ECM2: variants seen among roughly 807,000 people sequenced by gnomAD.
ECM2 encodes the protein extracellular matrix protein 2, also known as extracellular matrix protein 2, female organ and adipocyte specific.
ECM2 carries 57 observed loss-of-function variants against 67.5 expected under a neutral mutation model. That is an observed-to-expected ratio of 0.84 (90% confidence interval 0.68 to 1.05). ECM2 has a LOEUF of 1.05. ECM2 is among the 50% of genes least tolerant of loss of function. ECM2 has a pLI of 0.00. For missense variants in ECM2, 741 were observed against 822.8 expected, an observed-to-expected ratio of 0.90 and a Z score of 1.22; for synonymous variants, 258 against 294.5, an observed-to-expected ratio of 0.88 and a Z score of 1.27.
intron 1 of ECM2, among the ~76,000 whole-genome samples, chr9:92,529,284 A>G (rs922092794): frequency 1.3e-5 from 2 of 152,200 alleles, no homozygotes; most frequent in African/African-American, 4.8e-5. Context: ...CAAATGTCTA[A>G]AACCCAAAAC....
upstream of ECM2, among the ~76,000 whole-genome samples, chr9:92,536,299 A>G (rs958470652): frequency 6.6e-6 from 1 of 152,200 alleles, no homozygotes; most frequent in Non-Finnish European, 1.5e-5. Context: ...TGTGGTTTTC[A>G]TAGACTATTC....
At chr9:92,518,803 C>T (rs1270195320) in intron 2 of ECM2, among the ~76,000 whole-genome samples, 4 of 152,126 alleles carry the variant, frequency 2.6e-5, no homozygotes, top group African/African-American at 7.2e-5. Flanking sequence ...GCATAAGAAT[C>T]GCTTGAACCC....
chr9:92,532,015 G>GTTTTGTTTTTT (rs1848797660), intron 1 of ECM2, among the ~76,000 whole-genome samples: 1 of 95,736 alleles, frequency 1.0e-5, no homozygotes, highest in Non-Finnish European at 1.9e-5. Flanking sequence ...TTTATTTAAT[G>GTTTTGTTTTTT]TTTTTTTTTT....
chr9:92,550,668 T>A, the ECM2 span, among the ~76,000 whole-genome samples: 1 of 151,950 alleles, frequency 6.6e-6, no homozygotes, highest in Non-Finnish European at 1.5e-5. Context: ...GAGGCAAGAG[T>A]ACAAATGAAG....
chr9:92,503,801 G>A (rs1350223879), intron 7 of ECM2, among the ~76,000 whole-genome samples: 2 of 152,210 alleles, frequency 1.3e-5, no homozygotes, highest in Admixed American at 6.5e-5. Flanking sequence ...TTTAGGAGGT[G>A]AGCTAGATCA....
Position 92,522,540 on chromosome 9 carries a change from C to T in ECM2, c.292+35G>A, listed in dbSNP as rs377269756. 201 of 1,532,234 alleles carry T rather than the reference C, an allele frequency of 1.3e-4. 1 individual carries two copies. The Middle Eastern group carries it at 4.9e-3, about 37-fold the overall frequency. 94.9% of individuals were successfully genotyped at this position (1,532,234 alleles called of 1,614,324 possible). On this transcript the variant is annotated intron_variant, in intron 2 of 9. Coordinates refer to ENST00000344604, the MANE Select transcript of ECM2 (RefSeq NM_001393.4). The stretch of plus-strand genomic sequence containing the variant: ...CCCCATACCATCTCTCACCCTCCTC[C>T]CTCTTTCTGTCTCTCTCTCATAGTG...
intron 8 of ECM2, among the ~76,000 whole-genome samples, chr9:92,502,307 C>G (rs1438784485): frequency 4.6e-5 from 7 of 152,156 alleles, no homozygotes; most frequent in African/African-American, 9.7e-5. Context: ...AATCCTAACA[C>G]CAGTCATGCA....
At chr9:92,514,392 G>A (rs1299945086) in intron 4 of ECM2, among the ~76,000 whole-genome samples, 3 of 150,594 alleles carry the variant, frequency 2.0e-5, no homozygotes, top group Non-Finnish European at 3.0e-5. Context: ...CTCCTGCCTC[G>A]GCCTTCTGAG....
At chr9:92,546,814 G>C in the ECM2 span, among the ~76,000 whole-genome samples, 2,054 of 152,188 alleles carry the variant, frequency 0.013, 17 homozygotes, top group South Asian at 0.021. Flanking sequence ...CAATAAAATT[G>C]TCACAAGAAG....
chr9:92,556,872 G>A, the ECM2 span, among the ~76,000 whole-genome samples: 1 of 151,924 alleles, frequency 6.6e-6, no homozygotes, highest in Non-Finnish European at 1.5e-5. Context: ...TACTTTGTGG[G>A]TTTTTTTGTT....
At chr9:92,552,487 C>T in the ECM2 span, among the ~76,000 whole-genome samples, 39,491 of 151,886 alleles carry the variant, frequency 0.26, 7,474 homozygotes, top group African/African-American at 0.53. Flanking sequence ...CCCTGTTCAC[C>T]GCATCCATGC....
At chr9:92,548,518 A>G in the ECM2 span, among the ~76,000 whole-genome samples, 1 of 152,356 alleles carries the variant, frequency 6.6e-6, no homozygotes, top group African/African-American at 2.4e-5. Context: ...AATGTAGTAC[A>G]TCAACTATCA....
the ECM2 span, among the ~76,000 whole-genome samples, chr9:92,545,655 C>T: frequency 6.6e-6 from 1 of 152,220 alleles, no homozygotes; most frequent in Non-Finnish European, 1.5e-5. Flanking sequence ...GACTGGCAGC[C>T]AGCTCCACCT....
chr9:92,513,852 A>G (rs1007733772), intron 4 of ECM2, among the ~76,000 whole-genome samples: 13 of 152,160 alleles, frequency 8.5e-5, no homozygotes, highest in African/African-American at 3.1e-4. Context: ...TTACATGACT[A>G]TGTGCATTTG....
At chr9:92,515,787 C>T (rs1252809236) in intron 3 of ECM2, among the ~76,000 whole-genome samples, 1 of 152,222 alleles carries the variant, frequency 6.6e-6, no homozygotes, top group Non-Finnish European at 1.5e-5. Context: ...TCCTCCTTCT[C>T]TGTCCCAGAC....
chr9:92,505,464 T>C (rs1588195411), intron 7 of ECM2, 69 bp downstream of exon 7: 2 of 1,304,726 alleles, frequency 1.5e-6, no homozygotes, highest in Non-Finnish European at 2.1e-6. Context: ...AGTCTTAAAA[T>C]ATATTTTGTT....
the ECM2 span, among the ~76,000 whole-genome samples, chr9:92,543,427 T>C: frequency 8.3e-6 from 1 of 119,864 alleles, no homozygotes; most frequent in Admixed American, 1.1e-4. Context: ...AGCAGAAATC[T>C]CACCACTGCT....
Position 92,500,737 on chromosome 9 carries a change from T to C in ECM2, c.1921A>G (p.Asn641Asp). Residue 641 changes from asparagine to aspartate, a missense_variant, in exon 9 of 10, where the codon AAC becomes GAC. Coordinates refer to ENST00000344604, the MANE Select transcript of ECM2 (RefSeq NM_001393.4). ...AAAGCCAAAATTTACCGTATCTTGTTGTTGTTCAGCCTCAGAAAATGTAGT... is the reference window on the plus strand; with the variant it reads ...AAAGCCAAAATTTACCGTATCTTGTCGTTGTTCAGCCTCAGAAAATGTAGT... ...KALHFLRLNN[N>D]KIRNILPEEI... The C allele has an allele frequency of 6.2e-7, 1 of 1,609,148 alleles. No homozygotes were observed. The highest frequency in any genetic ancestry group is 8.5e-7 in the Non-Finnish European group (1 of 1,176,250).
chr9:92,512,752 C>T (rs1847431820), intron 4 of ECM2, among the ~76,000 whole-genome samples: 1 of 152,188 alleles, frequency 6.6e-6, no homozygotes, highest in African/African-American at 2.4e-5. Flanking sequence ...GGAAAGTGAG[C>T]ATACCAGTAG....
Sources: allele counts gnomAD v4.1 joint callset (sites outside exome capture counted in the v4.1 genomes callset), GRCh38; gene constraint gnomAD v4.1.1; transcripts MANE v1.5; gene names NCBI Gene and HGNC (gene_info 2026-07-23, HGNC 2026-07-21).